Variants in LY75 observed in about 807,000 individuals in gnomAD.
LY75 encodes the protein C-type lectin domain family 13 member B.
Under a neutral mutation model 231.7 loss-of-function variants are expected in LY75, and 185 were observed. The ratio of observed to expected loss-of-function variants is 0.80; its 90% CI spans 0.71 to 0.90. LY75 has a LOEUF of 0.90. Among genes scored for constraint, LY75 ranks in the 40% least tolerant of loss-of-function variants. The probability of loss-of-function intolerance (pLI) is 0.00; values close to 1 mark genes in which losing one functional copy is unlikely to be tolerated. For synonymous variants in LY75, 668 were observed against 689.0 expected (o/e 0.97, Z 0.48); for missense variants, 1,947 against 2,050.2 (o/e 0.95, Z 0.97).
chr2:159,836,529 C>T (rs770983644), intron 25 of LY75, among the ~76,000 whole-genome samples: 4 of 152,162 alleles, frequency 2.6e-5, no homozygotes, highest in Non-Finnish European at 5.9e-5. Context: ...CCTTACATAC[C>T]CACTGGTGGG....
At chr2:159,859,679 T>G (rs1684643428) in intron 15 of LY75, among the ~76,000 whole-genome samples, 1 of 152,224 alleles carries the variant, frequency 6.6e-6, no homozygotes. Flanking sequence ...CAGACACACA[T>G]GGGTGTAAAT....
intron 12 of LY75, among the ~76,000 whole-genome samples, chr2:159,874,220 A>ATAG (rs1446423006): frequency 2.4e-3 from 230 of 94,592 alleles, no homozygotes; most frequent in East Asian, 3.8e-3. Context: ...GTAAATATAT[A>ATAG]TAAATATATT....
intron 25 of LY75, among the ~76,000 whole-genome samples, chr2:159,839,784 T>A (rs1683946297): frequency 1.3e-5 from 2 of 151,718 alleles, no homozygotes; most frequent in South Asian, 4.1e-4. Context: ...GGCGGGCGGA[T>A]CACTTGAGGT....
intron 11 of LY75, among the ~76,000 whole-genome samples, 197 bp from the exon 12 acceptor site, chr2:159,875,840 T>C (rs985312829): frequency 1.3e-5 from 2 of 152,126 alleles, no homozygotes; most frequent in African/African-American, 4.8e-5. Flanking sequence ...TGAAAAAGAT[T>C]AATCCTCATA....
intron 5 of LY75, 126 bp downstream of exon 5, chr2:159,886,294 C>A: frequency 1.9e-6 from 2 of 1,041,794 alleles, no homozygotes; most frequent in East Asian, 3.0e-5. Flanking sequence ...AGAAAAAATT[C>A]TTCTGAGAGG....
At chr2:159,890,121 A>G in intron 4 of LY75, 92 bp downstream of exon 4, 1 of 1,498,424 alleles carries the variant, frequency 6.7e-7, no homozygotes, top group Non-Finnish European at 8.9e-7. Flanking sequence ...GAAAAGTTAC[A>G]TACAAAGAAA....
chr2:159,861,677 G>A (rs1447326012), intron 14 of LY75, among the ~76,000 whole-genome samples: 3 of 152,152 alleles, frequency 2.0e-5, no homozygotes, highest in African/African-American at 4.8e-5. Context: ...GGTTGAGGCT[G>A]CAGTGAGTCA....
At chr2:159,831,344 C>T (rs1683652329) in intron 28 of LY75, among the ~76,000 whole-genome samples, 1 of 152,200 alleles carries the variant, frequency 6.6e-6, no homozygotes, top group Non-Finnish European at 1.5e-5. Context: ...CCTGAGGCTG[C>T]CCAGCCATGC....
At chr2:159,827,962 A>T (rs1403277613) in intron 28 of LY75, among the ~76,000 whole-genome samples, 1 of 151,634 alleles carries the variant, frequency 6.6e-6, no homozygotes, top group Non-Finnish European at 1.5e-5. Context: ...GTCGGGGGGT[A>T]GGGGGCTAGG....
intron 9 of LY75, 67 bp downstream of exon 9, chr2:159,879,192 C>T (rs1302589757): frequency 2.6e-6 from 4 of 1,538,302 alleles, no homozygotes; most frequent in Non-Finnish European, 3.5e-6. Flanking sequence ...ATTTAAGTCT[C>T]AGCTACCATT....
At chr2:159,866,055 T>C (rs1684847657) in intron 13 of LY75, among the ~76,000 whole-genome samples, 1 of 152,306 alleles carries the variant, frequency 6.6e-6, no homozygotes, top group African/African-American at 2.4e-5. Flanking sequence ...ATGGTATGTA[T>C]GATCAGTACA....
intron 31 of LY75, among the ~76,000 whole-genome samples, chr2:159,815,051 A>T (rs552511778): frequency 2.0e-3 from 270 of 132,414 alleles, no homozygotes; most frequent in African/African-American, 7.6e-3. Context: ...CCCAGGCTGG[A>T]CTGCAGTGGC....
rs751355641 is a variant in LY75, at chr2:159,852,234, T to C, written c.2850A>G (p.Gln950=). 3 of 1,614,018 alleles carry C rather than the reference T, an allele frequency of 1.9e-6. No homozygotes were observed. The highest frequency in any genetic ancestry group is 2.5e-6 in the Non-Finnish European group (3 of 1,179,948). ...KYSPDSAAKV[Q]CSEQWIPFQN... ...GAAAAGGAATCCATTGCTCAGAACA[T>C]TGCACTTTAGCTGCAGAATCTGGGC... The change falls in exon 21 of 35, where the codon CAA becomes CAG. Residue 950 remains glutamine, a synonymous_variant. Transcript: ENST00000263636.
rs777483921 is a variant in LY75 at position 159,852,326 on chromosome 2, T to A, written c.2758A>T (p.Thr920Ser). The change falls in exon 21 of 35, where the codon ACA (threonine) becomes TCA (serine). Residue 920 changes from threonine (T) to serine (S), a missense_variant. Thr to Ser is a moderately conservative substitution (Grantham distance 58). Coordinates refer to ENST00000263636, the MANE Select transcript of LY75 (RefSeq NM_002349.4). ...AAGGGCAACTTGGTACTACAGTCTG[T>A]TGGTTTACCTAAGTCTGAGAAATGA... ...KTWLIDLGKP[T>S]DCSTKLPFIC... 6.2e-7 allele frequency: 1 copy of A among 1,613,712 alleles called. No homozygotes were observed.
chr2:159,805,422 TGTAA>T (rs1682764222), intron 34 of LY75, among the ~76,000 whole-genome samples, 200 bp from the exon 35 acceptor site: 1 of 152,246 alleles, frequency 6.6e-6, no homozygotes, highest in Non-Finnish European at 1.5e-5. Flanking sequence ...TCTTTTCAAA[TGTAA>T]GTGTTTTCCT....
chr2:159,900,309 A>T (rs1482828695), intron 1 of LY75, among the ~76,000 whole-genome samples: 1 of 152,248 alleles, frequency 6.6e-6, no homozygotes, highest in Non-Finnish European at 1.5e-5. Flanking sequence ...GTGGAATAAG[A>T]TTCACATCTG....
Position 159,872,582 on chromosome 2 carries a change from T to C in LY75, c.1986A>G (p.Ala662=). The C allele has an allele frequency of 6.2e-7, 1 of 1,613,608 alleles. No homozygotes were observed. Among genetic ancestry groups the C allele is most frequent in the Non-Finnish European group, 8.5e-7 (1 of 1,179,792 alleles). ...AGTTCCTCTTTCTTACAATTCTTTC[T>C]GCATGGAATACCTTAGCAAAATATA... ...ASLSCYKVFH[A]ERIVRKRNWE... The change falls in exon 13 of 35, where the codon GCA becomes GCG. Residue 662 remains alanine, a synonymous_variant. Coordinates refer to ENST00000263636, the MANE Select transcript of LY75 (RefSeq NM_002349.4).
In LY75 at chr2:159,881,079, G is replaced by A. The variant is rs780946883; in HGVS notation, c.1404+4C>T. 5.0e-6 allele frequency: 8 copies of A among 1,611,942 alleles called. No individual in the cohort carries two copies. Among genetic ancestry groups the A allele is most frequent in the Admixed American group, 3.4e-5 (2 of 59,418 alleles). ...ATATAAAGAAACCACAGGAGGTTTC[G>A]TACCTCTCCTAAGTAGGAAACACAG... On this transcript the variant is annotated splice_donor_region_variant and intron_variant, in intron 8 of 34. Transcript: ENST00000263636.
intron 14 of LY75, among the ~76,000 whole-genome samples, chr2:159,862,034 C>G (rs1050312494): frequency 1.3e-5 from 2 of 152,038 alleles, no homozygotes; most frequent in African/African-American, 4.8e-5. Flanking sequence ...GGCACGGTAG[C>G]TCACACCTGT....
Sources: gnomAD v4.1 joint callset for allele counts (sites outside exome capture counted in the v4.1 genomes callset) on GRCh38, gnomAD v4.1.1 for gene constraint, MANE v1.5 for transcripts, NCBI Gene and HGNC (gene_info 2026-07-23, HGNC 2026-07-21) for gene names.